The following PRPF31 variants were observed in gnomAD, a reference collection of about 807,000 sequenced individuals.
The protein encoded by PRPF31 is pre-mRNA processing factor 31.
In PRPF31, 12 loss-of-function variants were observed where a neutral mutation model predicts 60.4. The ratio of observed to expected loss-of-function variants is 0.20; its 90% CI spans 0.13 to 0.32. The LOEUF is 0.32. Ranked by LOEUF, PRPF31 falls within the 10% of genes least tolerant of loss-of-function variation. The probability of loss-of-function intolerance (pLI) is 1.00; values close to 1 mark genes in which losing one functional copy is unlikely to be tolerated. For synonymous variants in PRPF31, 287 were observed against 287.9 expected (o/e 1.00, Z 0.03); for missense variants, 431 against 687.1 (o/e 0.63, Z 4.17).
chr19:54,123,297 G>C, intron 5 of PRPF31, 157 bp from the exon 6 acceptor site: 1 of 704,968 alleles, frequency 1.4e-6, no homozygotes, highest in Non-Finnish European at 2.6e-6. Context: ...GGAATGGTGT[G>C]GATGCTTCAG....
rs1161724617 is a variant in PRPF31 at position 54,124,546 on chromosome 19, A to G, written c.745A>G (p.Ile249Val). The change falls in exon 8 of 14, where the codon ATC becomes GTC. Residue 249 changes from isoleucine (I) to valine (V), a missense_variant. Ile to Val is a conservative substitution (Grantham distance 29). Transcript: ENST00000321030. ...CCTCTCCAAGATGCCCGCCTGCAAC[A>G]TCATGCTGCTCGGGGCCCAGCGCAA... ...TNLSKMPACN[I>V]MLLGAQRKTL... The G allele has an allele frequency of 3.1e-6, 5 of 1,611,646 alleles. No individual in the cohort carries two copies. Among genetic ancestry groups the G allele is most frequent in the Non-Finnish European group, 4.2e-6 (5 of 1,179,628 alleles).
Position 54,129,130 on chromosome 19 carries a change from T to C in PRPF31, c.1220T>C (p.Val407Ala). ...CTGGGCAAGTCGGGCAGTGGGCGTGTGCGGCAGACACAGGTAAACGAGGCC... is the reference window on the plus strand; with the variant it reads ...CTGGGCAAGTCGGGCAGTGGGCGTGCGCGGCAGACACAGGTAAACGAGGCC... ...GHLGKSGSGRVRQTQVNEATK... is the reference protein window; with the variant it reads ...GHLGKSGSGRARQTQVNEATK... The change falls in exon 12 of 14, where the codon GTG (valine) becomes GCG (alanine). Residue 407 changes from valine (V) to alanine (A), a missense_variant. By Grantham distance (64) the Val-to-Ala change is moderately conservative. Around this residue, in one of 4 missense-constraint regions of PRPF31, gnomAD observed 314 missense variants for 475.3 expected, o/e 0.66. Coordinates refer to ENST00000321030, the MANE Select transcript of PRPF31 (RefSeq NM_015629.4). The C allele has an allele frequency of 6.3e-7, 1 of 1,582,262 alleles. No homozygotes were observed. Among genetic ancestry groups the C allele is most frequent in the Non-Finnish European group, 8.6e-7 (1 of 1,165,024 alleles).
In PRPF31 at chr19:54,128,271, G is replaced by T. The variant is rs199559042; in HGVS notation, c.1074-34G>T. On this transcript the variant is annotated intron_variant, in intron 10 of 13. Transcript: ENST00000321030. ...AGAAGCCGGCGTCCTCCTCCCAGCC[G>T]ACTCCCTGGCGCCGCCCACCCACCC... 4 of 1,553,102 alleles carry T rather than the reference G, an allele frequency of 2.6e-6. No individual in the cohort carries two copies. In the African/African-American group the frequency reaches 4.1e-5, roughly 16 times the overall value.
Position 54,129,365 on chromosome 19 carries a change from C to A in PRPF31, c.1369C>A (p.Leu457Ile), listed in dbSNP as rs1371472106. Residue 457 changes from leucine to isoleucine, a missense_variant, in exon 13 of 14, where the codon CTC becomes ATC. By Grantham distance (5) the Leu-to-Ile change is conservative. Transcript: ENST00000321030. Reference protein sequence around the residue: ...GTASSVAFTPLQGLEIVNPQA... With the variant: ...GTASSVAFTPIQGLEIVNPQA... Reference sequence around the variant, plus strand: ...GGCCTCCAGCGTGGCCTTCACCCCACTCCAGGTACCTCCCCTGGGCCGGCT... The same window carrying A: ...GGCCTCCAGCGTGGCCTTCACCCCAATCCAGGTACCTCCCCTGGGCCGGCT... The A allele has an allele frequency of 6.3e-7, 1 of 1,594,960 alleles. No homozygotes were observed. The highest frequency in any genetic ancestry group is 1.1e-5 in the South Asian group (1 of 88,334).
At chr19:54,119,473 G>T (rs587596325) in intron 3 of PRPF31, 16 of 151,320 alleles carry the variant, frequency 1.1e-4, no homozygotes, top group African/African-American at 3.4e-4. Context: ...ACTCTTAAGA[G>T]GGCAGTCCTG....
intron 2 of PRPF31, 40 bp downstream of exon 2, chr19:54,118,495 C>G (rs780389006): frequency 1.9e-6 from 3 of 1,613,726 alleles, no homozygotes; most frequent in Non-Finnish European, 2.5e-6. Context: ...GGGCTCTAGA[C>G]AGAATCTCCC....
At position 54,123,773 on chromosome 19, in the gene PRPF31, G is replaced by A. The variant is rs902979771; in HGVS notation, c.552G>A (p.Leu184=). 1.6e-5 allele frequency: 25 copies of A among 1,611,150 alleles called. No homozygotes were observed. In the Admixed American group the frequency reaches 2.2e-4, roughly 14 times the overall value. ...TQGQQLSEEE[L]ERLEEACDMA... The stretch of plus-strand genomic sequence containing the variant: ...GGCAGCAGCTGTCGGAGGAGGAGCT[G>A]GAGCGGCTGGAGGAGGCCTGCGACA... The change falls in exon 7 of 14, where the codon CTG becomes CTA. Residue 184 remains leucine (L), a synonymous_variant. Transcript: ENST00000321030.
intron 2 of PRPF31, 25 bp from the exon 3 acceptor site, chr19:54,118,548 C>T: frequency 6.2e-7 from 1 of 1,614,060 alleles, no homozygotes; most frequent in Non-Finnish European, 8.5e-7. Flanking sequence ...GTGCTGGATT[C>T]TGACTGTCTT....
At position 54,123,863 on chromosome 19, in the gene PRPF31, C is replaced by G; in HGVS notation, c.642C>G (p.Phe214Leu). The G allele has an allele frequency of 1.9e-6, 3 of 1,614,074 alleles. No homozygotes were observed. The highest frequency in any genetic ancestry group is 2.5e-6 in the Non-Finnish European group (3 of 1,180,020). ...AGTATGTGGAGTCCCGGATGTCCTT[C>G]ATCGCACCCAACCTGTCCATCATTA... ...IYEYVESRMS[F>L]IAPNLSIIIG... The change falls in exon 7 of 14, where the codon TTC (phenylalanine) becomes TTG (leucine). Residue 214 changes from phenylalanine to leucine, a missense_variant. Physicochemically the swap from Phe to Leu is conservative, Grantham distance 22 (BLOSUM62 0). Around this residue, in one of 4 missense-constraint regions of PRPF31, gnomAD observed 314 missense variants for 475.3 expected, o/e 0.66. Coordinates refer to ENST00000321030, the MANE Select transcript of PRPF31 (RefSeq NM_015629.4).
chr19:54,118,543 G>A, intron 2 of PRPF31, 30 bp from the exon 3 acceptor site: 2 of 1,613,882 alleles, frequency 1.2e-6, no homozygotes, highest in South Asian at 1.1e-5. Context: ...GAAGAGTGCT[G>A]GATTCTGACT....
rs1249002937 is a variant in PRPF31, at chr19:54,128,188, G to A, written c.1061G>A (p.Arg354Gln). ...PAPLDGQRKKRGGRRYRKMKE... is the reference protein window; with the variant it reads ...PAPLDGQRKKQGGRRYRKMKE... ...CCCCTGGATGGACAGCGGAAGAAGC[G>A]AGGCGGCCGCAGGTGAGGGGCCCTG... Residue 354 changes from arginine (R) to glutamine (Q), a missense_variant, in exon 10 of 14, where the codon CGA becomes CAA. Coordinates refer to ENST00000321030, the MANE Select transcript of PRPF31 (RefSeq NM_015629.4). The A allele has an allele frequency of 1.9e-6, 3 of 1,570,352 alleles. No individual in the cohort carries two copies. The highest frequency in any genetic ancestry group is 8.6e-7 in the Non-Finnish European group (1 of 1,159,924).
intron 8 of PRPF31, chr19:54,124,861 A>G (rs1358630711): frequency 4.7e-6 from 3 of 640,660 alleles, no homozygotes; most frequent in Admixed American, 5.0e-5. Flanking sequence ...GGCAAGAGGC[A>G]TGAGCGCCCT....
Position 54,128,171 on chromosome 19 carries a change from T to C in PRPF31, c.1044T>C (p.Asp348=). Residue 348 remains aspartate, a synonymous_variant, in exon 10 of 14, where the codon GAT becomes GAC. Coordinates refer to ENST00000321030, the MANE Select transcript of PRPF31 (RefSeq NM_015629.4). The stretch of plus-strand genomic sequence containing the variant: ...TGAAGCCGCTGCCTGCGCCCCTGGA[T>C]GGACAGCGGAAGAAGCGAGGCGGCC... The part of the protein sequence containing the change: ...KQVKPLPAPL[D]GQRKKRGGRR... 1 of 1,567,304 alleles carries C rather than the reference T, an allele frequency of 6.4e-7. No homozygotes were observed. The highest frequency in any genetic ancestry group is 1.2e-5 in the South Asian group (1 of 85,338).
intron 8 of PRPF31, among the ~76,000 whole-genome samples, chr19:54,126,270 C>G (rs1401595006): frequency 2.6e-5 from 4 of 152,216 alleles, no homozygotes; most frequent in Non-Finnish European, 5.9e-5. Flanking sequence ...ACAGTCACCA[C>G]CGTCCTCGTT....
rs1034818995 is a variant in PRPF31, at chr19:54,118,140, T to C, written c.-8-131T>C. 8 of 1,284,970 alleles carry C rather than the reference T, an allele frequency of 6.2e-6. No homozygotes were observed. The African/African-American group carries it at 8.8e-5, about 14-fold the overall frequency. The allele number at this position is 1,284,970 out of a possible 1,614,324, so 79.6% of individuals were successfully genotyped here. A position where few individuals can be genotyped will look rare whatever the true frequency, so the allele number is the denominator to read the frequency against. ...GAACAAAACAAACTAAAGCACCTGT[T>C]GTCGTGGAGCCTGCATGCTAGTGGG... On this transcript the variant is annotated intron_variant, in intron 1 of 13. Coordinates refer to ENST00000321030, the MANE Select transcript of PRPF31 (RefSeq NM_015629.4).
Position 54,123,513 on chromosome 19 carries a change from C to A in PRPF31, c.480C>A (p.Thr160=), listed in dbSNP as rs1216490505. Residue 160 remains threonine (T), a synonymous_variant, in exon 6 of 14, where the codon ACC becomes ACA. Transcript: ENST00000321030. ...ATGAGAACCTGCAGCAGATCCTCAC[C>A]AATGCCACCATCATGGTCGTCAGCG... ...KNNENLQQIL[T]NATIMVVSVT... 6.2e-7 allele frequency: 1 copy of A among 1,614,234 alleles called. No homozygotes were observed. Among genetic ancestry groups the A allele is most frequent in the Admixed American group, 1.7e-5 (1 of 60,024 alleles).
intron 1 of PRPF31, among the ~76,000 whole-genome samples, chr19:54,116,335 G>T (rs2073636185): frequency 6.6e-6 from 1 of 152,090 alleles, no homozygotes; most frequent in East Asian, 1.9e-4. Flanking sequence ...CTCCCGAGTA[G>T]CTGGGATTAC....
chr19:54,117,170 C>T (rs956160210), intron 1 of PRPF31, among the ~76,000 whole-genome samples: 1 of 152,070 alleles, frequency 6.6e-6, no homozygotes, highest in African/African-American at 2.4e-5. Flanking sequence ...TGTACAAAGA[C>T]CTGGAGGCGG....
intron 3 of PRPF31, among the ~76,000 whole-genome samples, chr19:54,120,709 C>T (rs1432167922): frequency 2.0e-5 from 3 of 152,178 alleles, no homozygotes; most frequent in Non-Finnish European, 4.4e-5. Flanking sequence ...CTTGTGGGCT[C>T]AGGCGTTCCT....
Sources: allele counts gnomAD v4.1 joint callset (sites outside exome capture counted in the v4.1 genomes callset), GRCh38; gene constraint gnomAD v4.1.1; regional missense constraint gnomAD v4.1.1; transcripts MANE v1.5; gene names NCBI Gene and HGNC (gene_info 2026-07-23, HGNC 2026-07-21).